Variants in NBAS observed in about 807,000 individuals in gnomAD.
NBAS encodes the protein NAG/BC035112 fusion.
Under a neutral mutation model 302.5 loss-of-function variants are expected in NBAS, and 219 were observed. That is an observed-to-expected ratio of 0.72 (90% CI 0.65 to 0.81). The LOEUF (loss-of-function observed/expected upper bound fraction) is 0.81, where lower values mean the gene tolerates loss of function less well. Ranked by LOEUF, NBAS falls within the 30% of genes least tolerant of loss-of-function variation. NBAS has a pLI of 0.00. For synonymous variants in NBAS, 1,118 were observed against 1,021.6 expected (o/e 1.09, Z -1.80); for missense variants, 2,932 against 2,841.6 (o/e 1.03, Z -0.72).
chr2:14,878,258 C>T, the NBAS span, among the ~76,000 whole-genome samples: 4 of 152,104 alleles, frequency 2.6e-5, no homozygotes, highest in African/African-American at 9.7e-5. Flanking sequence ...CAAGAGCACA[C>T]CTGAAGAGAG....
the NBAS span, among the ~76,000 whole-genome samples, chr2:15,050,373 T>C: frequency 9.9e-5 from 15 of 152,248 alleles, no homozygotes; most frequent in South Asian, 2.1e-3. Context: ...TCCAAAACCC[T>C]TGTGGCTTCA....
At chr2:15,235,434 G>A (rs1021585004) in intron 45 of NBAS, among the ~76,000 whole-genome samples, 1 of 152,030 alleles carries the variant, frequency 6.6e-6, no homozygotes, top group Non-Finnish European at 1.5e-5. Flanking sequence ...GAAATAAGAG[G>A]GAAGCTATTG....
At chr2:14,853,700 A>C in the NBAS span, among the ~76,000 whole-genome samples, 20 of 103,654 alleles carry the variant, frequency 1.9e-4, 5 homozygotes, top group Admixed American at 1.6e-3. Context: ...AGACTGGATT[A>C]AGAAAATGTG....
chr2:15,357,397 G>A (rs988370600), intron 32 of NBAS, among the ~76,000 whole-genome samples: 12 of 152,174 alleles, frequency 7.9e-5, no homozygotes, highest in African/African-American at 2.9e-4. Flanking sequence ...ATGAATTGCT[G>A]TCTGCTGAAA....
At chr2:14,893,330 T>G in the NBAS span, among the ~76,000 whole-genome samples, 7 of 152,198 alleles carry the variant, frequency 4.6e-5, 1 homozygote, top group Admixed American at 2.0e-4. Context: ...TCCTTTCTGC[T>G]TATTGTTTTG....
chr2:15,422,981 A>G (rs1280853668), intron 23 of NBAS, among the ~76,000 whole-genome samples: 1 of 152,210 alleles, frequency 6.6e-6, no homozygotes, highest in Non-Finnish European at 1.5e-5. Context: ...TAACTCATAC[A>G]GTGCCACTGG....
intron 6 of NBAS, among the ~76,000 whole-genome samples, chr2:15,547,410 T>C (rs1437844715): frequency 2.0e-5 from 3 of 152,198 alleles, no homozygotes; most frequent in Non-Finnish European, 4.4e-5. Context: ...ATTAATGCAG[T>C]ATTAAGGTCA....
chr2:15,125,040 C>A, the NBAS span, among the ~76,000 whole-genome samples: 4 of 152,142 alleles, frequency 2.6e-5, no homozygotes, highest in Admixed American at 6.5e-5. Context: ...TGATAGATCT[C>A]CCAGCAGCTT....
At chr2:14,850,114 A>G in the NBAS span, among the ~76,000 whole-genome samples, 3 of 135,940 alleles carry the variant, frequency 2.2e-5, 1 homozygote, top group Non-Finnish European at 4.5e-5. Context: ...AAATTCTCCA[A>G]TTAAAAGGCA....
chr2:15,533,652 A>G (rs1572980250), intron 9 of NBAS, among the ~76,000 whole-genome samples: 1 of 150,806 alleles, frequency 6.6e-6, no homozygotes, highest in South Asian at 2.1e-4. Context: ...ATTGGGGAAG[A>G]GCACAAGGAG....
At chr2:14,967,053 C>T in the NBAS span, among the ~76,000 whole-genome samples, 34 of 151,926 alleles carry the variant, frequency 2.2e-4, no homozygotes, top group Admixed American at 5.9e-4. Flanking sequence ...TTATTAATAG[C>T]GTAGAAATTA....
At chr2:15,540,156 G>C (rs1663733736) in intron 6 of NBAS, among the ~76,000 whole-genome samples, 1 of 152,124 alleles carries the variant, frequency 6.6e-6, no homozygotes, top group Non-Finnish European at 1.5e-5. Flanking sequence ...TGAAGAGTTA[G>C]GTAGATAGAC....
At chr2:15,053,941 G>GA in the NBAS span, among the ~76,000 whole-genome samples, 135 of 146,082 alleles carry the variant, frequency 9.2e-4, 1 homozygote, top group Non-Finnish European at 1.6e-3. Flanking sequence ...CCCTCCTTGT[G>GA]AAAAAAAAAA....
intron 30 of NBAS, among the ~76,000 whole-genome samples, chr2:15,377,768 CTG>C (rs1453491174): frequency 2.0e-5 from 3 of 152,196 alleles, no homozygotes; most frequent in Non-Finnish European, 4.4e-5. Context: ...TGCTGCAGAT[CTG>C]TATACACTAG....
rs758863985 is a variant in NBAS, at chr2:15,330,609, G to A, written c.4336C>T (p.Arg1446Ter). Reference protein sequence around the residue: ...QWWKKSLTYLRPLQGQKCGGA... With the variant: ...QWWKKSLTYL ...GATGCACTGCTTACCTGAAGGGGTC[G>A]AAGGTAAGTTAAAGACTTCTTCCAC... The change falls in exon 36 of 52, where the codon CGA becomes TGA. Residue 1446 changes from arginine to a stop codon, truncating the protein, a stop_gained. Coordinates refer to ENST00000281513, the MANE Select transcript of NBAS (RefSeq NM_015909.4). LOFTEE classifies it high-confidence loss of function. The A allele has an allele frequency of 5.0e-6, 8 of 1,613,686 alleles. No homozygotes were observed. The highest frequency in any genetic ancestry group is 2.2e-5 in the East Asian group (1 of 44,882).
intron 38 of NBAS, 39 bp downstream of exon 38, chr2:15,327,711 A>G (rs202060560): frequency 3.1e-4 from 503 of 1,612,720 alleles, no homozygotes; most frequent in Non-Finnish European, 4.0e-4. Flanking sequence ...GTTCACCTAG[A>G]GTTACACACT....
intron 48 of NBAS, among the ~76,000 whole-genome samples, chr2:15,197,648 T>C (rs1665684330): frequency 6.6e-6 from 1 of 152,330 alleles, no homozygotes; most frequent in South Asian, 2.1e-4. Context: ...AGGGAAATTC[T>C]AGCCCTCTCT....
intron 6 of NBAS, among the ~76,000 whole-genome samples, chr2:15,540,981 C>T (rs1663787269): frequency 6.6e-6 from 1 of 152,144 alleles, no homozygotes; most frequent in African/African-American, 2.4e-5. Context: ...GCCTCAGCCT[C>T]CCAAAGTGCT....
intron 21 of NBAS, among the ~76,000 whole-genome samples, chr2:15,435,384 C>T (rs1433078276): frequency 6.6e-6 from 1 of 152,182 alleles, no homozygotes; most frequent in Non-Finnish European, 1.5e-5. Flanking sequence ...TTTATATAAC[C>T]ATTCAACTCT....
Sources: gnomAD v4.1 joint callset for allele counts (sites outside exome capture counted in the v4.1 genomes callset) on GRCh38, gnomAD v4.1.1 for gene constraint, MANE v1.5 for transcripts, NCBI Gene and HGNC (gene_info 2026-07-23, HGNC 2026-07-21) for gene names.